SLC30A8: variants seen among roughly 807,000 people sequenced by gnomAD.
SLC30A8 encodes proton-coupled zinc antiporter SLC30A8.
SLC30A8 carries 27 observed loss-of-function variants against 36.9 expected under a neutral mutation model. The observed-to-expected ratio is 0.73, with a 90% CI of 0.54 to 1.01. The LOEUF (loss-of-function observed/expected upper bound fraction) is 1.01, where lower values mean the gene tolerates loss of function less well. Ranked by LOEUF, SLC30A8 falls within the 50% of genes least tolerant of loss-of-function variation. The probability of loss-of-function intolerance (pLI) is 0.00; values close to 1 mark genes in which losing one functional copy is unlikely to be tolerated. For missense variants in SLC30A8, 439 were observed against 452.0 expected (o/e 0.97, Z 0.26); for synonymous variants, 164 against 172.4 (o/e 0.95, Z 0.38).
At chr8:117,138,076 A>G (rs1250705392) in intron 1 of SLC30A8, among the ~76,000 whole-genome samples, 10 of 147,634 alleles carry the variant, frequency 6.8e-5, no homozygotes, top group East Asian at 2.0e-4. Context: ...AAAAAAAAAA[A>G]AAAAGAAAAA....
intron 2 of SLC30A8, among the ~76,000 whole-genome samples, chr8:117,124,274 T>C (rs1820807453): frequency 6.6e-6 from 1 of 151,858 alleles, no homozygotes; most frequent in East Asian, 1.9e-4. Flanking sequence ...GCTTTTACAG[T>C]AAGAATATTA....
chr8:116,957,606 C>G (rs935105001), intron 1 of SLC30A8, among the ~76,000 whole-genome samples: 10 of 152,102 alleles, frequency 6.6e-5, no homozygotes, highest in African/African-American at 2.4e-4. Context: ...GGCAGTCAGC[C>G]CCTTCCCCCT....
upstream of SLC30A8, among the ~76,000 whole-genome samples, chr8:117,131,379 T>G (rs1586563431): frequency 1.3e-5 from 2 of 152,104 alleles, no homozygotes; most frequent in South Asian, 4.1e-4. Flanking sequence ...TAATAAGATC[T>G]TTATAGTTAT....
chr8:117,110,586 C>G (rs1586534045), intron 2 of SLC30A8, among the ~76,000 whole-genome samples: 2 of 152,206 alleles, frequency 1.3e-5, no homozygotes, highest in African/African-American at 2.4e-5. Context: ...CATGACGAAG[C>G]CTTTCCTTTC....
In SLC30A8 at chr8:116,990,616, G is replaced by A. The variant is rs552557511; in HGVS notation, c.-266+39497G>A. Among the ~76,000 whole-genome samples, 10 of 152,090 alleles carry A rather than the reference G, an allele frequency of 6.6e-5. No individual in the cohort carries two copies. In the East Asian group the frequency reaches 9.6e-4, roughly 15 times the overall value. ...AGAGCCAAGAGGAGTCTGAGGCAAC[G>A]TGATGACTATATGCAATGTGGTGTC... On this transcript the variant is annotated intron_variant, in intron 1 of 10. Transcript: ENST00000427715.
At chr8:117,130,909 C>A (rs146444415), upstream of SLC30A8, among the ~76,000 whole-genome samples, 3 of 152,030 alleles carry the variant, frequency 2.0e-5, no homozygotes, top group East Asian at 5.8e-4. Flanking sequence ...CAATATTTCT[C>A]CCCCCAAAAA....
chr8:117,136,549 A>C (rs1211504548), intron 1 of SLC30A8, among the ~76,000 whole-genome samples: 1 of 152,020 alleles, frequency 6.6e-6, no homozygotes, highest in African/African-American at 2.4e-5. Context: ...GAGATTTTAT[A>C]AAAAGGATAT....
At chr8:117,140,759 G>A (rs1821615101) in intron 1 of SLC30A8, among the ~76,000 whole-genome samples, 1 of 151,916 alleles carries the variant, frequency 6.6e-6, no homozygotes, top group Non-Finnish European at 1.5e-5. Context: ...AGTAAAGGAA[G>A]AAATATTAAA....
At chr8:117,064,003 C>CTT (rs35344529) in intron 2 of SLC30A8, among the ~76,000 whole-genome samples, 2 of 145,428 alleles carry the variant, frequency 1.4e-5, no homozygotes, top group African/African-American at 5.1e-5. Context: ...GAAAAAAATC[C>CTT]TTTTTTTTTT....
chr8:116,991,396 C>T (rs1391146942), intron 1 of SLC30A8, among the ~76,000 whole-genome samples: 1 of 151,984 alleles, frequency 6.6e-6, no homozygotes, highest in Admixed American at 6.6e-5. Context: ...ACCTATGCCT[C>T]CCGGTTCAAG....
rs192696143 is a variant in SLC30A8, at chr8:117,000,289, G to C, written c.-265-38930G>C. On this transcript the variant is annotated intron_variant, in intron 1 of 10. Transcript: ENST00000427715. ...GCAAATTCCTATGACCGAGTTGTCTGGACCTGGGCGAGGGCAAACATTTAA... is the reference window on the plus strand; with the variant it reads ...GCAAATTCCTATGACCGAGTTGTCTCGACCTGGGCGAGGGCAAACATTTAA... Among the ~76,000 whole-genome samples, 33 of 152,236 alleles carry C rather than the reference G, an allele frequency of 2.2e-4. No individual in the cohort carries two copies. The East Asian group carries it at 6.4e-3, about 29-fold the overall frequency.
At chr8:117,061,303 A>G (rs541167871) in intron 2 of SLC30A8, among the ~76,000 whole-genome samples, 1 of 152,242 alleles carries the variant, frequency 6.6e-6, no homozygotes. Context: ...ACACACATAC[A>G]CAGTGCATGT....
intron 1 of SLC30A8, among the ~76,000 whole-genome samples, chr8:117,010,941 A>G (rs994436091): frequency 2.0e-5 from 3 of 152,062 alleles, no homozygotes; most frequent in African/African-American, 7.2e-5. Context: ...TGATCCAATC[A>G]CCTTCCACCA....
At chr8:116,999,042 T>C (rs541136301) in intron 1 of SLC30A8, among the ~76,000 whole-genome samples, 1 of 152,300 alleles carries the variant, frequency 6.6e-6, no homozygotes, top group East Asian at 1.9e-4. Flanking sequence ...GCAGATCACC[T>C]GAAGTCAGGA....
At chr8:117,105,348 T>C (rs2130866797) in intron 2 of SLC30A8, among the ~76,000 whole-genome samples, 1 of 152,134 alleles carries the variant, frequency 6.6e-6, no homozygotes, top group South Asian at 2.1e-4. Context: ...TTCCATATTT[T>C]TATTTATTTA....
chr8:117,012,958 A>G (rs1432179010), intron 1 of SLC30A8, among the ~76,000 whole-genome samples: 1 of 152,098 alleles, frequency 6.6e-6, no homozygotes, highest in South Asian at 2.1e-4. Context: ...CACTATTGGC[A>G]TGACTGCCTC....
chr8:117,091,383 A>AT (rs11318896), intron 2 of SLC30A8, among the ~76,000 whole-genome samples: 6 of 151,766 alleles, frequency 4.0e-5, no homozygotes, highest in African/African-American at 9.7e-5. Context: ...TACAGAATCC[A>AT]TTTTTTTTCT....
At chr8:117,018,591 G>A (rs534816833) in intron 1 of SLC30A8, among the ~76,000 whole-genome samples, 37 of 151,630 alleles carry the variant, frequency 2.4e-4, no homozygotes, top group Non-Finnish European at 4.4e-4. Flanking sequence ...GTGTTGCATA[G>A]CACTGTTGCG....
chr8:116,990,246 C>A (rs1815586170), intron 1 of SLC30A8, among the ~76,000 whole-genome samples: 1 of 151,958 alleles, frequency 6.6e-6, no homozygotes, highest in South Asian at 2.1e-4. Flanking sequence ...ATTGATTGCC[C>A]CTCCGGGAGG....
Sources: allele counts gnomAD v4.1 joint callset (sites outside exome capture counted in the v4.1 genomes callset), GRCh38; gene constraint gnomAD v4.1.1; transcripts MANE v1.5; gene names NCBI Gene and HGNC (gene_info 2026-07-23, HGNC 2026-07-21).